The following CPEB3 variants were observed in gnomAD, a reference collection of about 807,000 sequenced individuals.
CPEB3 encodes cytoplasmic polyadenylation element-binding protein 3.
A neutral mutation model predicts 67.2 loss-of-function variants in CPEB3; 20 were observed. The observed-to-expected ratio is 0.30, with a 90% CI of 0.21 to 0.43. CPEB3 has a LOEUF of 0.43. Among genes scored for constraint, CPEB3 ranks in the 20% least tolerant of loss-of-function variants. The pLI, the probability that CPEB3 is intolerant of heterozygous loss-of-function variation, is 1.00. For synonymous variants in CPEB3, 376 were observed against 393.1 expected, an observed-to-expected ratio of 0.96 and a Z score of 0.51; for missense variants, 746 against 968.6, an observed-to-expected ratio of 0.77 and a Z score of 3.05.
intron 2 of CPEB3, among the ~76,000 whole-genome samples, chr10:92,205,179 A>G (rs1849721388): frequency 6.6e-6 from 1 of 152,318 alleles, no homozygotes; most frequent in South Asian, 2.1e-4. Context: ...CTTACGCCCA[A>G]ACTGCTTTCA....
chr10:92,233,070 G>A (rs1851350042), intron 2 of CPEB3, among the ~76,000 whole-genome samples: 1 of 152,174 alleles, frequency 6.6e-6, no homozygotes. Context: ...AACAGGTTCT[G>A]AAACAGTTTG....
At chr10:92,157,385 T>C (rs1249138370) in intron 4 of CPEB3, among the ~76,000 whole-genome samples, 1 of 152,190 alleles carries the variant, frequency 6.6e-6, no homozygotes, top group African/African-American at 2.4e-5. Flanking sequence ...CGTAAAATTA[T>C]TTGAAAAAAC....
At chr10:92,134,299 G>C (rs1845983452) in intron 6 of CPEB3, among the ~76,000 whole-genome samples, 1 of 152,124 alleles carries the variant, frequency 6.6e-6, no homozygotes, top group African/African-American at 2.4e-5. Flanking sequence ...TCCTTAAGCT[G>C]ATAAGCAACT....
intron 6 of CPEB3, chr10:92,138,021 G>A (rs899258397): frequency 1.3e-5 from 2 of 154,636 alleles, no homozygotes; most frequent in Non-Finnish European, 2.9e-5. Context: ...GAAGAAAGTG[G>A]ATTGGCTCAC....
chr10:92,130,687 C>T (rs1314233859), intron 6 of CPEB3, among the ~76,000 whole-genome samples: 5 of 146,564 alleles, frequency 3.4e-5, no homozygotes, highest in Admixed American at 2.7e-4. Context: ...CAACTGAGGT[C>T]TATCTATGTG....
intron 1 of CPEB3, among the ~76,000 whole-genome samples, chr10:92,283,726 T>C (rs7101015): frequency 0.06 from 8,064 of 133,702 alleles, 595 homozygotes; most frequent in African/African-American, 0.25. Context: ...TTCTTTCTTT[T>C]TTTTTTTTTT....
At chr10:92,119,297 T>G (rs1336423681) in intron 6 of CPEB3, 16 of 1,488,268 alleles carry the variant, frequency 1.1e-5, no homozygotes, top group African/African-American at 2.8e-5. Context: ...CAGATCCCCT[T>G]GGAGCAGTAG....
In CPEB3 at chr10:92,289,732, A is replaced by AAAAAAAAT; in HGVS notation, c.-12+1193_-12+1194insATTTTTTT. The stretch of plus-strand genomic sequence containing the variant: ...CGCGTCTCTACCAAAAAAAAAAAAA[A>AAAAAAAAT]ATATATATATATATATATATATATA... On this transcript the variant is annotated intron_variant, in intron 1 of 9. Transcript: ENST00000265997. Among the ~76,000 whole-genome samples the AAAAAAAAT allele has an allele frequency of 4.1e-4, 31 of 75,766 alleles. 1 individual carries two copies. The highest frequency in any genetic ancestry group is 7.5e-4 in the Admixed American group (4 of 5,318). 49.7% of individuals were successfully genotyped at this position (75,766 alleles called of 152,430 possible). A position where few individuals can be genotyped will look rare whatever the true frequency, so the allele number is the denominator to read the frequency against.
At chr10:92,110,612 G>C (rs1048300684) in intron 7 of CPEB3, among the ~76,000 whole-genome samples, 1 of 152,176 alleles carries the variant, frequency 6.6e-6, no homozygotes, top group Admixed American at 6.5e-5. Context: ...ATCCATTTTA[G>C]AGTGTAAGCT....
chr10:92,081,903 A>G lies in CPEB3; in HGVS notation c.1688-402T>C, dbSNP rs569862485. Among the ~76,000 whole-genome samples, 161 of 152,346 alleles carry G rather than the reference A, an allele frequency of 1.1e-3. 1 individual carries two copies. Among genetic ancestry groups the G allele is most frequent in the African/African-American group, 3.6e-3 (151 of 41,568 alleles). ...GTCCTACTTACTAACCTCTAAGACT[A>G]AAAGCAATTACTAGTGTCACACTAC... On this transcript the variant is annotated intron_variant, in intron 8 of 9. Transcript: ENST00000265997.
At chr10:92,187,416 C>T (rs1284251638) in intron 3 of CPEB3, among the ~76,000 whole-genome samples, 1 of 152,136 alleles carries the variant, frequency 6.6e-6, no homozygotes, top group Non-Finnish European at 1.5e-5. Context: ...TAGGCACGAA[C>T]CCCAGATAGT....
At chr10:92,247,597 G>A (rs1432870036) in intron 1 of CPEB3, among the ~76,000 whole-genome samples, 3 of 151,978 alleles carry the variant, frequency 2.0e-5, no homozygotes, top group East Asian at 1.9e-4. Context: ...GGGTTTCTCC[G>A]TGTTGGTCAG....
At chr10:92,096,056 T>C (rs1172104015) in intron 7 of CPEB3, among the ~76,000 whole-genome samples, 1 of 103,076 alleles carries the variant, frequency 9.7e-6, no homozygotes, top group Non-Finnish European at 2.0e-5. Flanking sequence ...TTTTTTTTTT[T>C]AGTAGAGATG....
chr10:92,281,872 G>C (rs1486932869), intron 1 of CPEB3, among the ~76,000 whole-genome samples: 2 of 152,118 alleles, frequency 1.3e-5, no homozygotes, highest in Admixed American at 1.3e-4. Flanking sequence ...ACTGTTGCCG[G>C]TGCCATCAGT....
intron 1 of CPEB3, among the ~76,000 whole-genome samples, chr10:92,243,833 G>A (rs1851949526): frequency 6.6e-6 from 1 of 152,074 alleles, no homozygotes; most frequent in African/African-American, 2.4e-5. Context: ...ATAGATTTTA[G>A]TCATAAATTT....
intron 3 of CPEB3, among the ~76,000 whole-genome samples, chr10:92,184,091 G>A (rs1047642133): frequency 2.0e-5 from 3 of 152,148 alleles, no homozygotes. Context: ...AAGCTTGGTA[G>A]TTTTCAAATT....
At chr10:92,135,093 C>G (rs1846028593) in intron 6 of CPEB3, among the ~76,000 whole-genome samples, 1 of 152,150 alleles carries the variant, frequency 6.6e-6, no homozygotes, top group Non-Finnish European at 1.5e-5. Context: ...CCATTCAGGA[C>G]ATAGGCATGG....
At chr10:92,145,635 CAAA>C (rs35889055) in intron 4 of CPEB3, among the ~76,000 whole-genome samples, 5 of 74,698 alleles carry the variant, frequency 6.7e-5, no homozygotes, top group Admixed American at 1.6e-4. Flanking sequence ...AACTCAGTCT[CAAA>C]AAAAAAAAAA....
intron 6 of CPEB3, among the ~76,000 whole-genome samples, chr10:92,124,950 C>T (rs1458363997): frequency 6.6e-6 from 1 of 152,234 alleles, no homozygotes; most frequent in African/African-American, 2.4e-5. Flanking sequence ...AGCAGGATCT[C>T]CTTAGCTAGC....
Sources: allele counts gnomAD v4.1 joint callset (sites outside exome capture counted in the v4.1 genomes callset), GRCh38; gene constraint gnomAD v4.1.1; transcripts MANE v1.5; gene names NCBI Gene and HGNC (gene_info 2026-07-23, HGNC 2026-07-21).